CFAP61: variants seen among roughly 807,000 people sequenced by gnomAD.
The protein encoded by CFAP61 is cilia- and flagella-associated protein 61.
A neutral mutation model predicts 135.6 loss-of-function variants in CFAP61; 107 were observed. The observed-to-expected ratio is 0.79, with a 90% CI of 0.67 to 0.93. The LOEUF is 0.93. Among genes scored for constraint, CFAP61 ranks in the 40% least tolerant of loss-of-function variants. CFAP61 has a pLI of 0.00. For missense variants in CFAP61, 1,507 were observed against 1,556.2 expected (o/e 0.97, Z 0.53); for synonymous variants, 575 against 578.5 (o/e 0.99, Z 0.09).
intron 25 of CFAP61, among the ~76,000 whole-genome samples, chr20:20,331,131 T>A (rs2057974922): frequency 6.6e-6 from 1 of 152,234 alleles, no homozygotes; most frequent in Non-Finnish European, 1.5e-5. Context: ...TTTTTCTACT[T>A]CCATAATTCT....
rs186629371 is a variant in CFAP61 at position 20,070,252 on chromosome 20, C to T, written c.144-602C>T. Among the ~76,000 whole-genome samples, 5 of 152,308 alleles carry T rather than the reference C, an allele frequency of 3.3e-5. No individual in the cohort carries two copies. In the East Asian group the frequency reaches 9.6e-4, roughly 29 times the overall value. ...GGAGTCCCCATTTCTGCAGCTGGGT[C>T]AGATGATATTCCAGATGCCCAGATT... On this transcript the variant is annotated intron_variant, in intron 2 of 26. Transcript: ENST00000245957.
Position 20,128,286 on chromosome 20 carries a change from G to C in CFAP61, c.860-14571G>C, listed in dbSNP as rs191069194. Among the ~76,000 whole-genome samples the C allele has an allele frequency of 3.3e-5, 5 of 151,684 alleles. No individual in the cohort carries two copies. In the South Asian group the frequency reaches 8.3e-4, roughly 25 times the overall value. ...GGTGTTTTTCCCCACTCCTCTGGCC[G>C]CCCTTCTGATGGATCCCTGTGGTGC... On this transcript the variant is annotated intron_variant, in intron 8 of 26. Coordinates refer to ENST00000245957, the MANE Select transcript of CFAP61 (RefSeq NM_015585.4).
At chr20:20,298,099 G>T (rs1732171518) in intron 24 of CFAP61, 82 bp from the exon 25 acceptor site, 1 of 927,802 alleles carries the variant, frequency 1.1e-6, no homozygotes, top group Admixed American at 1.8e-5. Flanking sequence ...TGTTATATTT[G>T]AAAAATAAAT....
intron 9 of CFAP61, among the ~76,000 whole-genome samples, chr20:20,148,730 C>A (rs1192171764): frequency 3.3e-5 from 5 of 152,098 alleles, no homozygotes; most frequent in African/African-American, 9.7e-5. Context: ...GTGATCATAT[C>A]ATCAGGAAAC....
At chr20:20,251,463 A>G (rs2050896861) in intron 19 of CFAP61, 132 bp from the exon 20 acceptor site, 2 of 742,040 alleles carry the variant, frequency 2.7e-6, no homozygotes, top group South Asian at 1.7e-5. Flanking sequence ...ATCTCCTAGT[A>G]TCAGTCCTGG....
chr20:20,270,503 T>G (rs1405385049), intron 21 of CFAP61, among the ~76,000 whole-genome samples: 1 of 152,228 alleles, frequency 6.6e-6, no homozygotes, highest in Non-Finnish European at 1.5e-5. Flanking sequence ...CTTCTTGAAC[T>G]TAATAGGGAA....
At chr20:20,298,066 A>G (rs1343870885) in intron 24 of CFAP61, 115 bp from the exon 25 acceptor site, 1 of 697,902 alleles carries the variant, frequency 1.4e-6, no homozygotes, top group African/African-American at 1.8e-5. Context: ...TTATTTGCAA[A>G]GAGGGATAAG....
intron 17 of CFAP61, chr20:20,201,078 A>T: frequency 2.0e-6 from 1 of 512,404 alleles, no homozygotes; most frequent in Non-Finnish European, 2.5e-6. Context: ...TTAATGTGCA[A>T]TTAGTCATGG....
rs2051505731 is a variant in CFAP61, at chr20:20,255,883, GGTT to G, written c.2328+4123_2328+4125del. Among the ~76,000 whole-genome samples, 5 of 152,206 alleles carry G rather than the reference GGTT, an allele frequency of 3.3e-5. No individual in the cohort carries two copies. In the South Asian group the frequency reaches 1.0e-3, roughly 31 times the overall value. On this transcript the variant is annotated intron_variant, in intron 20 of 26. Transcript: ENST00000245957. ...ACTGCCTCGGCCAACAAAGTGCAAA[GGTT>G]GTGACATGGTGTGACTTCTGAGGCC...
chr20:20,199,655 TC>T (rs1301001557), intron 16 of CFAP61, 112 bp from the exon 17 acceptor site: 11 of 1,139,554 alleles, frequency 9.7e-6, no homozygotes, highest in Admixed American at 6.9e-5. Context: ...TTTTTTTTTT[TC>T]CTCTCTGACT....
chr20:20,172,569 C>T (rs2054303011), intron 13 of CFAP61, among the ~76,000 whole-genome samples: 1 of 152,188 alleles, frequency 6.6e-6, no homozygotes, highest in South Asian at 2.1e-4. Context: ...GTTCACCCAC[C>T]TTGGCCTCCC....
At chr20:20,284,507 G>T (rs549161807) in intron 22 of CFAP61, among the ~76,000 whole-genome samples, 11 of 152,102 alleles carry the variant, frequency 7.2e-5, no homozygotes, top group Admixed American at 2.0e-4. Context: ...GGATGGTCTC[G>T]ATCTCCTGAC....
At chr20:20,181,671 A>T (rs1288108883) in intron 13 of CFAP61, among the ~76,000 whole-genome samples, 1 of 152,120 alleles carries the variant, frequency 6.6e-6, no homozygotes, top group Non-Finnish European at 1.5e-5. Context: ...CCCTCCGGAG[A>T]CCTTGCTTTT....
Position 20,251,838 on chromosome 20 carries a change from C to T in CFAP61, c.2328+75C>T, listed in dbSNP as rs1395723831. ...AAAGCCATTCATATGTTTACTGGGGCACACACACTCTGGGTAAAGAGCATC... is the reference window on the plus strand; with the variant it reads ...AAAGCCATTCATATGTTTACTGGGGTACACACACTCTGGGTAAAGAGCATC... On this transcript the variant is annotated intron_variant, in intron 20 of 26. Coordinates refer to ENST00000245957, the MANE Select transcript of CFAP61 (RefSeq NM_015585.4). The T allele has an allele frequency of 2.8e-6, 4 of 1,436,612 alleles. No homozygotes were observed. The African/African-American group carries it at 4.2e-5, about 15-fold the overall frequency. 89.0% of individuals were successfully genotyped at this position (1,436,612 alleles called of 1,614,324 possible).
chr20:20,087,593 G>A (rs915173590), intron 6 of CFAP61, among the ~76,000 whole-genome samples: 4 of 152,166 alleles, frequency 2.6e-5, no homozygotes, highest in African/African-American at 9.7e-5. Flanking sequence ...GGAAGTGAGT[G>A]CAGTGATTCA....
At chr20:20,311,487 C>T (rs2056825354) in intron 25 of CFAP61, among the ~76,000 whole-genome samples, 1 of 152,188 alleles carries the variant, frequency 6.6e-6, no homozygotes, top group African/African-American at 2.4e-5. Flanking sequence ...TGTGGTTGAT[C>T]CAGCTGACGG....
intron 9 of CFAP61, among the ~76,000 whole-genome samples, chr20:20,151,631 CCTGA>C (rs1412706781): frequency 6.6e-6 from 1 of 151,736 alleles, no homozygotes; most frequent in Admixed American, 6.6e-5. Context: ...TTGAGACCAT[CCTGA>C]CTAACACAGT....
At chr20:20,185,089 T>C (rs901814602) in intron 13 of CFAP61, among the ~76,000 whole-genome samples, 9 of 152,176 alleles carry the variant, frequency 5.9e-5, no homozygotes, top group African/African-American at 1.9e-4. Context: ...TGCTCGTAAA[T>C]GTAGCAAAAT....
chr20:20,164,097 C>G lies in CFAP61; in HGVS notation c.1074C>G (p.His358Gln). The change falls in exon 11 of 27, where the codon CAC becomes CAG. Residue 358 changes from histidine to glutamine, a missense_variant. His to Gln is a conservative substitution (Grantham distance 24). Coordinates refer to ENST00000245957, the MANE Select transcript of CFAP61 (RefSeq NM_015585.4). Reference sequence around the variant, plus strand: ...TCTCCACTGGATATGCACAGTATCACCATGTCAGCAGTAGGAGCTTGGCAT... The same window carrying G: ...TCTCCACTGGATATGCACAGTATCAGCATGTCAGCAGTAGGAGCTTGGCAT... ...SDISTGYAQY[H>Q]HVSSRSLASL... 1 of 1,614,028 alleles carries G rather than the reference C, an allele frequency of 6.2e-7. No individual in the cohort carries two copies. The highest frequency in any genetic ancestry group is 8.5e-7 in the Non-Finnish European group (1 of 1,179,954).
Sources: allele counts gnomAD v4.1 joint callset (sites outside exome capture counted in the v4.1 genomes callset), GRCh38; gene constraint gnomAD v4.1.1; transcripts MANE v1.5; gene names NCBI Gene and HGNC (gene_info 2026-07-23, HGNC 2026-07-21).